Variants in SRM observed in about 807,000 individuals in gnomAD.
SRM encodes the protein spermidine synthase.
SRM carries 14 observed loss-of-function variants against 39.3 expected under a neutral mutation model. The observed-to-expected ratio is 0.36, with a 90% CI of 0.24 to 0.56. The LOEUF (loss-of-function observed/expected upper bound fraction) is 0.56. Ranked by LOEUF, SRM falls within the 20% of genes least tolerant of loss-of-function variation. The probability of loss-of-function intolerance (pLI) is 0.86; values close to 1 mark genes in which losing one functional copy is unlikely to be tolerated. For missense variants in SRM, 244 were observed against 409.2 expected (o/e 0.60, Z 3.48); for synonymous variants, 195 against 173.1 (o/e 1.13, Z -0.99).
In SRM at chr1:11,059,762, G is replaced by A; in HGVS notation, c.167+15C>T. 6.3e-7 allele frequency: 1 copy of A among 1,575,898 alleles called. No individual in the cohort carries two copies. Among genetic ancestry groups the A allele is most frequent in the East Asian group, 2.4e-5 (1 of 41,866 alleles). Reference sequence around the variant, plus strand: ...CTGAGCCTAGGGGGCAGGCGCCTGCGGGCAGCGGCGGTACCTGCGGAAGAC... The same window carrying A: ...CTGAGCCTAGGGGGCAGGCGCCTGCAGGCAGCGGCGGTACCTGCGGAAGAC... On this transcript the variant is annotated intron_variant, in intron 1 of 7. Transcript: ENST00000376957.
rs749132234 is a variant in SRM at position 11,058,781 on chromosome 1, G to C, written c.381+19C>G. The C allele has an allele frequency of 6.3e-7, 1 of 1,591,928 alleles. No homozygotes were observed. The highest frequency in any genetic ancestry group is 1.1e-5 in the South Asian group (1 of 87,124). On this transcript the variant is annotated intron_variant, in intron 3 of 7. Transcript: ENST00000376957. ...CTGGGAGAACCAGGACTCAAACCTGGCTCTACGCCGGCACTCACCTCGTCG... is the reference window on the plus strand; with the variant it reads ...CTGGGAGAACCAGGACTCAAACCTGCCTCTACGCCGGCACTCACCTCGTCG...
rs1192477919 is a variant in SRM at position 11,058,803 on chromosome 1, G to A, written c.378C>T (p.Asp126=). Residue 126 remains aspartate, a synonymous_variant, in exon 3 of 8, where the codon GAC becomes GAT. Coordinates refer to ENST00000376957, the MANE Select transcript of SRM (RefSeq NM_003132.3). ...CTGGCTCTACGCCGGCACTCACCTC[G>A]TCGATCTCACACTGGACCACGGACT... The part of the protein sequence containing the change: ...SVESVVQCEI[D]EDVIQVSKKF... 3 of 1,607,582 alleles carry A rather than the reference G, an allele frequency of 1.9e-6. No homozygotes were observed. Among genetic ancestry groups the A allele is most frequent in the African/African-American group, 1.3e-5 (1 of 74,718 alleles).
At chr1:11,056,881 T>A in intron 3 of SRM, 124 bp from the exon 4 acceptor site, 1 of 958,618 alleles carries the variant, frequency 1.0e-6, no homozygotes, top group South Asian at 1.7e-5. Context: ...TCCCTTTTTT[T>A]TATTATTTTT....
At chr1:11,055,275 T>G in intron 6 of SRM, 191 bp from the exon 7 acceptor site, 2 of 819,672 alleles carry the variant, frequency 2.4e-6, no homozygotes, top group Non-Finnish European at 1.8e-6. Flanking sequence ...AATTTTTTTT[T>G]TTTTTGTATT....
rs1638835723 is a variant in SRM, at chr1:11,054,668, T to C, written c.*197A>G. 2 of 733,674 alleles carry C rather than the reference T, an allele frequency of 2.7e-6. No individual in the cohort carries two copies. The highest frequency in any genetic ancestry group is 4.3e-6 in the Non-Finnish European group (2 of 462,036). The allele number at this position is 733,674 out of a possible 1,614,324, so 45.4% of individuals were successfully genotyped here. A position where few individuals can be genotyped will look rare whatever the true frequency, so the allele number is the denominator to read the frequency against. On this transcript the variant is annotated 3_prime_UTR_variant, in exon 8 of 8. Transcript: ENST00000376957. This position sits in a 1 kb window ranked among gnomAD's most constrained non-coding sequence, Gnocchi z 4.8. Reference sequence around the variant, plus strand: ...GGCGCTGTACACAGCTGGTATAGGCTTGGAGGTGGAACGCCAGAGAGACAG... The same window carrying C: ...GGCGCTGTACACAGCTGGTATAGGCCTGGAGGTGGAACGCCAGAGAGACAG...
rs761431615 is a variant in SRM, at chr1:11,056,617, G to A, written c.522C>T (p.Ser174=). The change falls in exon 4 of 8, where the codon TCC becomes TCT. Residue 174 remains serine (S), a synonymous_variant. Coordinates refer to ENST00000376957, the MANE Select transcript of SRM (RefSeq NM_003132.3). ...QDAFDVIITD[S]SDPMGPAESL... is the part of the protein sequence containing the mutation. ...TCCACTGCTTACCCATGGGGTCTGA[G>A]GAGTCAGTGATGATCACGTCGAAGG... 3.7e-6 allele frequency: 6 copies of A among 1,614,172 alleles called. No individual in the cohort carries two copies. The Admixed American group carries it at 5.0e-5, about 13-fold the overall frequency.
In SRM at chr1:11,055,790, G is replaced by A. The variant is rs1638867042; in HGVS notation, c.756C>T (p.Ser252=). ...PSGQIGFMLC[S]KNPSTNFQEP... ...GACACCCCCATCTCACCGGGTTCTT[G>A]CTGCACAGCATGAAGCCGATCTGGC... is the stretch of plus-strand genomic sequence containing the variant. The change falls in exon 6 of 8, where the codon AGC becomes AGT. Residue 252 remains serine (S), a synonymous_variant. Transcript: ENST00000376957. 7.5e-7 allele frequency: 1 copy of A among 1,333,332 alleles called. No homozygotes were observed. The highest frequency in any genetic ancestry group is 1.0e-6 in the Non-Finnish European group (1 of 990,166). 82.6% of individuals were successfully genotyped at this position (1,333,332 alleles called of 1,614,324 possible). A position where few individuals can be genotyped will look rare whatever the true frequency, so the allele number is the denominator to read the frequency against.
chr1:11,054,990 G>A lies in SRM; in HGVS notation c.860C>T (p.Ala287Val). Residue 287 changes from alanine to valine, a missense_variant, in exon 7 of 8, where the codon GCC (alanine) becomes GTC (valine). Physicochemically the swap from Ala to Val is moderately conservative, Grantham distance 64. Transcript: ENST00000376957. This position sits in a 1 kb window ranked among gnomAD's most constrained non-coding sequence, Gnocchi z 4.8. Reference protein sequence around the residue: ...KYYNSDVHRAAFVLPEFARKA... With the variant: ...KYYNSDVHRAVFVLPEFARKA... ...GCGGGCAAACTCGGGCAGCACAAAG[G>A]CGGCGCGGTGCACGTCGGAGTTGTA... 1 of 1,612,708 alleles carries A rather than the reference G, an allele frequency of 6.2e-7. No homozygotes were observed. Among genetic ancestry groups the A allele is most frequent in the Non-Finnish European group, 8.5e-7 (1 of 1,179,950 alleles).
At chr1:11,059,003 C>T in intron 2 of SRM, 111 bp from the exon 3 acceptor site, 1 of 1,302,608 alleles carries the variant, frequency 7.7e-7, no homozygotes, top group Non-Finnish European at 1.1e-6. Flanking sequence ...TTTTTCTACC[C>T]TCGGAAACGC....
Position 11,059,526 on chromosome 1 carries a change from G to A in SRM, c.168-181C>T, listed in dbSNP as rs981908972. 9 of 1,068,960 alleles carry A rather than the reference G, an allele frequency of 8.4e-6. No individual in the cohort carries two copies. In the African/African-American group the frequency reaches 9.5e-5, roughly 11 times the overall value. The allele number at this position is 1,068,960 out of a possible 1,614,324, so 66.2% of individuals were successfully genotyped here. On this transcript the variant is annotated intron_variant, in intron 1 of 7. Transcript: ENST00000376957. ...CGGGTGGAGGCCGGGGTGGGACCCGGGGTCTCCTCGGGCTCTGACGTGTCC... is the reference window on the plus strand; with the variant it reads ...CGGGTGGAGGCCGGGGTGGGACCCGAGGTCTCCTCGGGCTCTGACGTGTCC...
chr1:11,055,059 T>C lies in SRM; in HGVS notation c.791A>G (p.Gln264Arg). 1 of 1,610,792 alleles carries C rather than the reference T, an allele frequency of 6.2e-7. No homozygotes were observed. Among genetic ancestry groups the C allele is most frequent in the Non-Finnish European group, 8.5e-7 (1 of 1,178,886 alleles). The change falls in exon 7 of 8, where the codon CAG (glutamine) becomes CGG (arginine). Residue 264 changes from glutamine to arginine, a missense_variant. By Grantham distance (43) the Gln-to-Arg change is conservative. Transcript: ENST00000376957. The part of the protein sequence containing the change: ...NPSTNFQEPV[Q>R]PLTQQQVAQM... Reference sequence around the variant, plus strand: ...CGCCACCTGCTGCTGTGTCAGCGGCTGCACCGGCTCCTGGAAGTTCGTGCT... The same window carrying C: ...CGCCACCTGCTGCTGTGTCAGCGGCCGCACCGGCTCCTGGAAGTTCGTGCT...
intron 3 of SRM, 104 bp from the exon 4 acceptor site, chr1:11,056,861 G>T: frequency 8.4e-7 from 1 of 1,184,116 alleles, no homozygotes; most frequent in Non-Finnish European, 1.2e-6. Context: ...AGCCGCCTTG[G>T]CCAACCCCTT....
At position 11,058,802 on chromosome 1, in the gene SRM, C is replaced by T; in HGVS notation, c.379G>A (p.Glu127Lys). 1 of 1,607,150 alleles carries T rather than the reference C, an allele frequency of 6.2e-7. No homozygotes were observed. Among genetic ancestry groups the T allele is most frequent in the Non-Finnish European group, 8.5e-7 (1 of 1,177,700 alleles). ...VESVVQCEID[E>K]DVIQVSKKFL... Reference sequence around the variant, plus strand: ...CCTGGCTCTACGCCGGCACTCACCTCGTCGATCTCACACTGGACCACGGAC... The same window carrying T: ...CCTGGCTCTACGCCGGCACTCACCTTGTCGATCTCACACTGGACCACGGAC... The change falls in exon 3 of 8, where the codon GAG (glutamate) becomes AAG (lysine). Residue 127 changes from glutamate to lysine, a missense_variant and splice_region_variant. By Grantham distance (56) the Glu-to-Lys change is moderately conservative (BLOSUM62 1). Transcript: ENST00000376957.
intron 1 of SRM, 118 bp from the exon 2 acceptor site, chr1:11,059,463 C>A (rs776548651): frequency 6.6e-7 from 1 of 1,508,984 alleles, no homozygotes; most frequent in Non-Finnish European, 9.0e-7. Context: ...GGATGAGGAG[C>A]GATGGTGACA....
chr1:11,054,945 C>A lies in SRM; in HGVS notation c.888+17G>T. ...TGGGTCCCTGGGTCCCACCACCCAG[C>A]CCCGCAGGCCACCCACCTTGCGGGC... On this transcript the variant is annotated intron_variant, in intron 7 of 7. Coordinates refer to ENST00000376957, the MANE Select transcript of SRM (RefSeq NM_003132.3). This position sits in a 1 kb window ranked among gnomAD's most constrained non-coding sequence, Gnocchi z 4.8. The A allele has an allele frequency of 6.2e-7, 1 of 1,611,864 alleles. No individual in the cohort carries two copies. Among genetic ancestry groups the A allele is most frequent in the Non-Finnish European group, 8.5e-7 (1 of 1,179,810 alleles).
At chr1:11,059,550 C>T (rs1638939976) in intron 1 of SRM, 2 of 971,836 alleles carry the variant, frequency 2.1e-6, no homozygotes, top group Non-Finnish European at 3.0e-6. Flanking sequence ...TCTGACGTGT[C>T]CTGAGGGCTG....
In SRM at chr1:11,054,604, C is replaced by A. The variant is rs1020146134; in HGVS notation, c.*261G>T. On this transcript the variant is annotated 3_prime_UTR_variant, in exon 8 of 8. Coordinates refer to ENST00000376957, the MANE Select transcript of SRM (RefSeq NM_003132.3). The surrounding 1 kb of genome is among the most constrained non-coding windows in gnomAD (Gnocchi z 4.8). ...GACTCCAATCTTTGCTATAAATACA[C>A]GTGTTTGGTGAGTGAGGGGCAACAG... The A allele has an allele frequency of 7.5e-6, 4 of 531,160 alleles. No homozygotes were observed. Among genetic ancestry groups the A allele is most frequent in the African/African-American group, 3.9e-5 (2 of 51,662 alleles). 32.9% of individuals were successfully genotyped at this position (531,160 alleles called of 1,614,324 possible).
intron 6 of SRM, 42 bp downstream of exon 6, chr1:11,055,739 C>T: frequency 2.0e-6 from 3 of 1,535,720 alleles, no homozygotes; most frequent in Non-Finnish European, 2.6e-6. Context: ...TATTTATGCC[C>T]ACCTTCCCCC....
At chr1:11,058,992 CT>C in intron 2 of SRM, 100 bp from the exon 3 acceptor site, 1 of 1,318,260 alleles carries the variant, frequency 7.6e-7, no homozygotes. Context: ...CGGGCCTCAT[CT>C]TTTTCTACCC....
Sources: allele counts gnomAD v4.1 joint callset, GRCh38; gene constraint gnomAD v4.1.1; non-coding constraint Gnocchi (gnomAD v3.1); transcripts MANE v1.5; gene names NCBI Gene and HGNC (gene_info 2026-07-23, HGNC 2026-07-21).